Variants in FIBCD1 observed in about 807,000 individuals in gnomAD.
FIBCD1 encodes the protein fibrinogen C domain-containing protein 1.
Under a neutral mutation model 45.1 loss-of-function variants are expected in FIBCD1, and 47 were observed. That is an observed-to-expected ratio of 1.04 (90% confidence interval 0.82 to 1.33). FIBCD1 has a LOEUF of 1.33. Ranked by LOEUF, FIBCD1 falls within the 40% of genes most tolerant of loss-of-function variation. The probability of loss-of-function intolerance (pLI) is 0.00; values close to 1 mark genes in which losing one functional copy is unlikely to be tolerated. For synonymous variants in FIBCD1, 313 were observed against 308.1 expected (o/e 1.02, Z -0.17); for missense variants, 653 against 682.2 (o/e 0.96, Z 0.48).
In FIBCD1 at chr9:130,939,227, CGCGG is replaced by C; in HGVS notation, c.-624_-621del. 1.3e-5 allele frequency: 2 copies of C among 152,056 alleles called. No homozygotes were observed. Among genetic ancestry groups the C allele is most frequent in the Non-Finnish European group, 2.9e-5 (2 of 67,990 alleles). 9.4% of individuals were successfully genotyped at this position (152,056 alleles called of 1,614,324 possible). On this transcript the variant is annotated 5_prime_UTR_variant, in exon 1 of 7. Coordinates refer to ENST00000372338, the MANE Select transcript of FIBCD1 (RefSeq NM_032843.5). ...GACCGGACTCACACAAGTCACCATGCGCGGGGCGGGCCCCGAGGGCGCCCCCGCC... is the reference window on the plus strand; with the variant it reads ...GACCGGACTCACACAAGTCACCATGCGGCGGGCCCCGAGGGCGCCCCCGCC...
At chr9:130,911,082 C>T (rs888433779) in intron 5 of FIBCD1, among the ~76,000 whole-genome samples, 1 of 152,220 alleles carries the variant, frequency 6.6e-6, no homozygotes, top group African/African-American at 2.4e-5. Context: ...CGGCAACCCG[C>T]TCAGGTTCCC....
In FIBCD1 at chr9:130,926,382, C is replaced by T. The variant is rs570593382; in HGVS notation, c.553-1986G>A. Among the ~76,000 whole-genome samples the T allele has an allele frequency of 7.2e-5, 11 of 152,280 alleles. No individual in the cohort carries two copies. The highest frequency in any genetic ancestry group is 1.7e-4 in the African/African-American group (7 of 41,538). ...AATGGGGAAGTGAGTCCCTGCTTGC[C>T]GAGCTGCAGAGGCGCATCAGGGGAG... On this transcript the variant is annotated intron_variant, in intron 2 of 6. Transcript: ENST00000372338. The surrounding 1 kb of genome is among the most constrained non-coding windows in gnomAD (Gnocchi z 4.1).
At chr9:130,912,970 C>T (rs990047922) in intron 4 of FIBCD1, among the ~76,000 whole-genome samples, 3 of 152,066 alleles carry the variant, frequency 2.0e-5, no homozygotes, top group Non-Finnish European at 4.4e-5. Flanking sequence ...GGGCAGGGGT[C>T]GGGGTGCTGG....
chr9:130,938,299 G>A, intron 1 of FIBCD1: 1 of 417,926 alleles, frequency 2.4e-6, no homozygotes, highest in Non-Finnish European at 4.3e-6. Flanking sequence ...CGGGGACGCG[G>A]GAGACCTGGC....
chr9:130,924,487 C>G (rs1832325915), intron 2 of FIBCD1, 91 bp from the exon 3 acceptor site: 2 of 1,262,854 alleles, frequency 1.6e-6, no homozygotes, highest in Non-Finnish European at 2.2e-6. Flanking sequence ...AGTGGGCCCT[C>G]TCCTGAGGCA....
At chr9:130,940,086 G>A (rs1832596790), upstream of FIBCD1, among the ~76,000 whole-genome samples, 1 of 152,178 alleles carries the variant, frequency 6.6e-6, no homozygotes, top group Admixed American at 6.5e-5. Context: ...CCCTGGCACC[G>A]TCTCCGTCTC....
intron 1 of FIBCD1, 75 bp downstream of exon 1, chr9:130,938,461 G>A: frequency 7.7e-7 from 1 of 1,302,536 alleles, no homozygotes; most frequent in South Asian, 1.6e-5. Flanking sequence ...CCCGCAATGG[G>A]TGCTCGCCCC....
chr9:130,911,183 C>CT (rs1832034478), intron 5 of FIBCD1, among the ~76,000 whole-genome samples: 2 of 152,220 alleles, frequency 1.3e-5, no homozygotes, highest in African/African-American at 4.8e-5. Flanking sequence ...TGCAGTTTCA[C>CT]TCCTGAGCCA....
At chr9:130,907,242 T>C (rs1831945134) in intron 5 of FIBCD1, among the ~76,000 whole-genome samples, 1 of 141,698 alleles carries the variant, frequency 7.1e-6, no homozygotes, top group South Asian at 2.2e-4. Context: ...CGGGGGCTGC[T>C]AGGCAGGACG....
intron 1 of FIBCD1, 129 bp from the exon 2 acceptor site, chr9:130,930,175 C>G: frequency 1.7e-6 from 2 of 1,184,626 alleles, no homozygotes; most frequent in Non-Finnish European, 2.3e-6. Context: ...GGCACAGAGA[C>G]TGAGATGAGA....
intron 4 of FIBCD1, among the ~76,000 whole-genome samples, chr9:130,921,470 G>A (rs772449256): frequency 2.8e-4 from 42 of 152,354 alleles, no homozygotes; most frequent in Non-Finnish European, 4.6e-4. Flanking sequence ...TCTCAGATGA[G>A]AATGGCCTCT....
intron 5 of FIBCD1, among the ~76,000 whole-genome samples, chr9:130,911,430 GTCC>G (rs1025880172): frequency 3.9e-5 from 6 of 152,140 alleles, no homozygotes; most frequent in African/African-American, 1.4e-4. Flanking sequence ...GTGGGGCCGG[GTCC>G]TCCTCTGTCC....
At chr9:130,910,755 T>TG (rs1244504880) in intron 5 of FIBCD1, among the ~76,000 whole-genome samples, 1 of 151,736 alleles carries the variant, frequency 6.6e-6, no homozygotes, top group African/African-American at 2.4e-5. Context: ...GCTGCTCTGG[T>TG]GGGGCCTTGG....
intron 1 of FIBCD1, among the ~76,000 whole-genome samples, chr9:130,932,497 T>A (rs1394580478): frequency 6.6e-6 from 1 of 152,102 alleles, no homozygotes; most frequent in Non-Finnish European, 1.5e-5. Flanking sequence ...AATGCACAGT[T>A]CCCCTCCACC....
chr9:130,913,186 G>A (rs1832094740), intron 4 of FIBCD1, among the ~76,000 whole-genome samples: 1 of 151,654 alleles, frequency 6.6e-6, no homozygotes, highest in Admixed American at 6.6e-5. Flanking sequence ...AGTATTTACA[G>A]GATCCGCTGA....
chr9:130,912,037 A>G (rs990483042), intron 4 of FIBCD1, 149 bp from the exon 5 acceptor site: 8 of 653,850 alleles, frequency 1.2e-5, no homozygotes, highest in Middle Eastern at 4.2e-4. Context: ...ACTTCCCGCA[A>G]CGGCCCCTGG....
chr9:130,926,425 C>T lies in FIBCD1; in HGVS notation c.553-2029G>A, dbSNP rs1266832442. On this transcript the variant is annotated intron_variant, in intron 2 of 6. Coordinates refer to ENST00000372338, the MANE Select transcript of FIBCD1 (RefSeq NM_032843.5). This position sits in a 1 kb window ranked among gnomAD's most constrained non-coding sequence, Gnocchi z 4.1. ...CAGGGGAGGGCTGGACAGCGCTTAG[C>T]GGTAGTGGTGTCAGAGCTGCTGTCC... Among the ~76,000 whole-genome samples, 1 of 152,214 alleles carries T rather than the reference C, an allele frequency of 6.6e-6. No individual in the cohort carries two copies. Among genetic ancestry groups the T allele is most frequent in the African/African-American group, 2.4e-5 (1 of 41,444 alleles).
At chr9:130,912,960 G>A (rs1311866364) in intron 4 of FIBCD1, among the ~76,000 whole-genome samples, 1 of 152,148 alleles carries the variant, frequency 6.6e-6, no homozygotes, top group African/African-American at 2.4e-5. Context: ...AACAAGCCTG[G>A]GGCAGGGGTC....
Position 130,924,009 on chromosome 9 carries a change from G to A in FIBCD1, c.713-129C>T, listed in dbSNP as rs1315997944. Reference sequence around the variant, plus strand: ...GGGTTGAGAGAGCACTGGCCTTGGAGTCCGACCTTGGCTCTGCCACTCCCT... The same window carrying A: ...GGGTTGAGAGAGCACTGGCCTTGGAATCCGACCTTGGCTCTGCCACTCCCT... On this transcript the variant is annotated intron_variant, in intron 3 of 6. Transcript: ENST00000372338. 3 of 1,432,310 alleles carry A rather than the reference G, an allele frequency of 2.1e-6. No individual in the cohort carries two copies. The African/African-American group carries it at 4.2e-5, about 20-fold the overall frequency. 88.7% of individuals were successfully genotyped at this position (1,432,310 alleles called of 1,614,324 possible). A position where few individuals can be genotyped will look rare whatever the true frequency, so the allele number is the denominator to read the frequency against.
Sources: gnomAD v4.1 joint callset for allele counts (sites outside exome capture counted in the v4.1 genomes callset) on GRCh38, gnomAD v4.1.1 for gene constraint, Gnocchi (gnomAD v3.1) non-coding constraint, MANE v1.5 for transcripts, NCBI Gene and HGNC (gene_info 2026-07-23, HGNC 2026-07-21) for gene names.